SPSB1: variants seen among roughly 807,000 people sequenced by gnomAD.
SPSB1 encodes SPRY domain-containing SOCS box protein 1.
A neutral mutation model predicts 21.2 loss-of-function variants in SPSB1; 8 were observed. The ratio of observed to expected loss-of-function variants is 0.38; its 90% confidence interval spans 0.22 to 0.68. SPSB1 has a LOEUF of 0.68. Ranked by LOEUF, SPSB1 falls within the 30% of genes least tolerant of loss-of-function variation. The probability of loss-of-function intolerance (pLI) is 0.53; values close to 1 mark genes in which losing one functional copy is unlikely to be tolerated. For missense variants in SPSB1, 242 were observed against 377.8 expected (o/e 0.64, Z 2.98); for synonymous variants, 169 against 161.7 (o/e 1.05, Z -0.34).
chr1:9,300,695 G>A (rs1286875770), intron 1 of SPSB1, among the ~76,000 whole-genome samples: 1 of 152,196 alleles, frequency 6.6e-6, no homozygotes, highest in Non-Finnish European at 1.5e-5. Context: ...CCAGACATTG[G>A]GCATGTGTGG....
intron 1 of SPSB1, among the ~76,000 whole-genome samples, chr1:9,312,376 A>G (rs1639534597): frequency 6.6e-6 from 1 of 152,022 alleles, no homozygotes. Flanking sequence ...CTTCCTGAAT[A>G]TTGTAGGCAG....
intron 2 of SPSB1, among the ~76,000 whole-genome samples, chr1:9,364,826 T>TTTTGC (rs1640539402): frequency 1.4e-5 from 2 of 146,316 alleles, no homozygotes; most frequent in African/African-American, 5.0e-5. Context: ...TTTTTTGTTG[T>TTTTGC]TGTTTTGTTG....
Position 9,367,658 on chromosome 1 carries a change from A to G in SPSB1, c.*83A>G. 1 of 1,485,506 alleles carries G rather than the reference A, an allele frequency of 6.7e-7. No homozygotes were observed. The highest frequency in any genetic ancestry group is 1.3e-5 in the South Asian group (1 of 75,608). 92.0% of individuals were successfully genotyped at this position (1,485,506 alleles called of 1,614,324 possible). On this transcript the variant is annotated 3_prime_UTR_variant, in exon 3 of 3. Transcript: ENST00000328089. The surrounding 1 kb of genome is among the most constrained non-coding windows in gnomAD (Gnocchi z 5.9). ...TGCCGCTGGGGCCGCCGCACCCTGC[A>G]CCTTGGACCGGCATCCGTAGCCATG...
intron 1 of SPSB1, among the ~76,000 whole-genome samples, chr1:9,322,318 A>G (rs536103915): frequency 8.0e-4 from 122 of 152,262 alleles, no homozygotes; most frequent in African/African-American, 2.8e-3. Flanking sequence ...AGGTTCGGAA[A>G]GTCTCTCAGG....
chr1:9,365,542 A>T (rs1470476737), intron 2 of SPSB1, among the ~76,000 whole-genome samples: 1 of 150,708 alleles, frequency 6.6e-6, no homozygotes, highest in Non-Finnish European at 1.5e-5. Flanking sequence ...CCATTAAAGT[A>T]TCCAATTCAG....
chr1:9,350,042 A>T (rs1029807472), intron 1 of SPSB1, among the ~76,000 whole-genome samples: 1 of 152,026 alleles, frequency 6.6e-6, no homozygotes, highest in Non-Finnish European at 1.5e-5. Context: ...GACACACCAC[A>T]CACATATACA....
Position 9,345,764 on chromosome 1 carries a change from C to T in SPSB1, c.-149-9979C>T, listed in dbSNP as rs536655567. The stretch of plus-strand genomic sequence containing the variant: ...GAGGTCAGGGACTAGAGCTCTGGAC[C>T]GTGTGGGATTTTCTCTCCAAAATCA... On this transcript the variant is annotated intron_variant, in intron 1 of 2. Transcript: ENST00000328089. This position sits in a 1 kb window ranked among gnomAD's most constrained non-coding sequence, Gnocchi z 4.8. Among the ~76,000 whole-genome samples, 13 of 152,152 alleles carry T rather than the reference C, an allele frequency of 8.5e-5. No homozygotes were observed. Among genetic ancestry groups the T allele is most frequent in the African/African-American group, 2.4e-4 (10 of 41,418 alleles).
intron 1 of SPSB1, among the ~76,000 whole-genome samples, chr1:9,331,289 G>A (rs200478229): frequency 6.9e-6 from 1 of 145,524 alleles, no homozygotes; most frequent in African/African-American, 2.6e-5. Context: ...ATAAATACCC[G>A]TTATGGATCT....
At chr1:9,330,570 C>G (rs545982053) in intron 1 of SPSB1, among the ~76,000 whole-genome samples, 235 of 152,136 alleles carry the variant, frequency 1.5e-3, no homozygotes, top group African/African-American at 5.2e-3. Flanking sequence ...ACCTTGTGAT[C>G]TGGACACACG....
At chr1:9,316,522 C>T (rs1402027041) in intron 1 of SPSB1, among the ~76,000 whole-genome samples, 1 of 152,186 alleles carries the variant, frequency 6.6e-6, no homozygotes, top group Non-Finnish European at 1.5e-5. Flanking sequence ...GCTGCTGGGC[C>T]AGGCATCACG....
At position 9,305,133 on chromosome 1, in the gene SPSB1, C is replaced by G. The variant is rs1639390680; in HGVS notation, c.-150+12062C>G. 6.6e-6 allele frequency among the ~76,000 whole-genome samples: 1 copy of G among 152,180 alleles called. No individual in the cohort carries two copies. The highest frequency in any genetic ancestry group is 1.5e-5 in the Non-Finnish European group (1 of 68,028). On this transcript the variant is annotated intron_variant, in intron 1 of 2. Transcript: ENST00000328089. This position sits in a 1 kb window ranked among gnomAD's most constrained non-coding sequence, Gnocchi z 4.8. ...CTGCCCCCTCAGGAGAGTCCCTCTC[C>G]TCCCTTATAGCCTCAGCCACTGTCA...
At chr1:9,338,560 C>T (rs72643830) in intron 1 of SPSB1, among the ~76,000 whole-genome samples, 27,445 of 152,236 alleles carry the variant, frequency 0.18, 2,848 homozygotes, top group East Asian at 0.29. Flanking sequence ...AGTATACTTT[C>T]TTCTTTGCTG....
intron 1 of SPSB1, among the ~76,000 whole-genome samples, chr1:9,335,711 G>C (rs748761558): frequency 1.3e-5 from 2 of 152,082 alleles, no homozygotes; most frequent in Non-Finnish European, 2.9e-5. Flanking sequence ...GAGGCAGGAA[G>C]ATCACTTGAG....
chr1:9,331,155 G>A (rs752279631), intron 1 of SPSB1, among the ~76,000 whole-genome samples: 3 of 149,038 alleles, frequency 2.0e-5, no homozygotes, highest in Middle Eastern at 3.4e-3. Context: ...GTTCTACCTC[G>A]TCTTTTTAAT....
At position 9,361,158 on chromosome 1, in the gene SPSB1, T is replaced by TTTTTTTTTTTTTTTTTTTTC. The variant is rs1557467288; in HGVS notation, c.694+4592_694+4593insCTTTTTTTTTTTTTTTTTTT. The stretch of plus-strand genomic sequence containing the variant: ...GGCATGGCTGGATCTGTCATTTTCT[T>TTTTTTTTTTTTTTTTTTTTC]TTTTTTTTTTTTTTTTTTTTTTTTT... On this transcript the variant is annotated intron_variant, in intron 2 of 2. Transcript: ENST00000328089. Among the ~76,000 whole-genome samples, 141 of 25,692 alleles carry TTTTTTTTTTTTTTTTTTTTC rather than the reference T, an allele frequency of 5.5e-3. 21 individuals are homozygous for TTTTTTTTTTTTTTTTTTTTC. The East Asian group carries it at 0.058, about 11-fold the overall frequency. 16.9% of individuals were successfully genotyped at this position (25,692 alleles called of 152,430 possible).
chr1:9,356,123 C>A lies in SPSB1; in HGVS notation c.232C>A (p.His78Asn). Residue 78 changes from histidine to asparagine, a missense_variant, in exon 2 of 3, where the codon CAT becomes AAT. Transcript: ENST00000328089. The surrounding 1 kb of genome is among the most constrained non-coding windows in gnomAD (Gnocchi z 7.4). ...KEDDKLIFHRHPVAQSTDAIR... is the reference protein window; with the variant it reads ...KEDDKLIFHRNPVAQSTDAIR... ...GGACGACAAGCTCATCTTTCACCGG[C>A]ATCCGGTGGCCCAGAGCACGGACGC... is the stretch of plus-strand genomic sequence containing the variant. The A allele has an allele frequency of 6.2e-7, 1 of 1,601,032 alleles. No individual in the cohort carries two copies. Among genetic ancestry groups the A allele is most frequent in the South Asian group, 1.1e-5 (1 of 89,810 alleles).
chr1:9,295,727 C>T (rs1239705688), intron 1 of SPSB1, among the ~76,000 whole-genome samples: 1 of 152,248 alleles, frequency 6.6e-6, no homozygotes, highest in Admixed American at 6.5e-5. Flanking sequence ...GCCCCTCCTC[C>T]TGGGTGGATG....
intron 1 of SPSB1, among the ~76,000 whole-genome samples, chr1:9,344,092 T>A (rs1367126002): frequency 1.3e-5 from 2 of 152,160 alleles, no homozygotes; most frequent in African/African-American, 4.8e-5. Flanking sequence ...CTGGCCAAGA[T>A]AAGTTTTTAA....
At chr1:9,350,458 G>A (rs1640238469) in intron 1 of SPSB1, among the ~76,000 whole-genome samples, 1 of 152,244 alleles carries the variant, frequency 6.6e-6, no homozygotes, top group African/African-American at 2.4e-5. Context: ...CTTTCACTAA[G>A]GGAATGGAGA....
Sources: allele counts gnomAD v4.1 joint callset (sites outside exome capture counted in the v4.1 genomes callset), GRCh38; gene constraint gnomAD v4.1.1; non-coding constraint Gnocchi (gnomAD v3.1); transcripts MANE v1.5; gene names NCBI Gene and HGNC (gene_info 2026-07-23, HGNC 2026-07-21).